MTURN: variants seen among roughly 807,000 people sequenced by gnomAD.
The protein encoded by MTURN is maturin.
Under a neutral mutation model 14.9 loss-of-function variants are expected in MTURN, and 7 were observed. The ratio of observed to expected loss-of-function variants is 0.47; its 90% CI spans 0.27 to 0.88. MTURN has a LOEUF of 0.88. MTURN is among the 40% of genes least tolerant of loss of function. MTURN has a pLI of 0.14. For missense variants in MTURN, 151 were observed against 174.1 expected (o/e 0.87, Z 0.75); for synonymous variants, 69 against 72.5 (o/e 0.95, Z 0.25).
At chr7:30,137,951 G>A (rs1049405270) in intron 1 of MTURN, among the ~76,000 whole-genome samples, 4 of 152,154 alleles carry the variant, frequency 2.6e-5, no homozygotes, top group African/African-American at 9.7e-5. Flanking sequence ...AATACAAATA[G>A]GGTCTCTGCC....
At chr7:30,146,775 TA>T (rs1797136846) in intron 2 of MTURN, among the ~76,000 whole-genome samples, 1 of 152,222 alleles carries the variant, frequency 6.6e-6, no homozygotes, top group Admixed American at 6.5e-5. Context: ...TTTCTATTTT[TA>T]AAAAGTCTCT....
In MTURN at chr7:30,158,340, C is replaced by G. The variant is rs1797318835; in HGVS notation, c.*792C>G. On this transcript the variant is annotated 3_prime_UTR_variant, in exon 3 of 3. Transcript: ENST00000324453. ...CCACGTATAAAATGAAACATTTTAC[C>G]TTCTCTCTTTCTAATGAGATGGCCG... The G allele has an allele frequency of 6.6e-6, 1 of 152,426 alleles. No homozygotes were observed. The highest frequency in any genetic ancestry group is 1.5e-5 in the Non-Finnish European group (1 of 67,986). 9.4% of individuals were successfully genotyped at this position (152,426 alleles called of 1,614,324 possible).
intron 2 of MTURN, among the ~76,000 whole-genome samples, chr7:30,150,644 G>A (rs1797197129): frequency 6.6e-6 from 1 of 152,244 alleles, no homozygotes; most frequent in Non-Finnish European, 1.5e-5. Context: ...AGGAGTATCA[G>A]TGTGAGCAGG....
At chr7:30,145,762 G>A in intron 1 of MTURN, 1 of 1,380,684 alleles carries the variant, frequency 7.2e-7, no homozygotes, top group Middle Eastern at 2.6e-4. Flanking sequence ...TACAAACTAT[G>A]CTTAATTAAT....
chr7:30,145,665 A>C, intron 1 of MTURN: 1 of 638,344 alleles, frequency 1.6e-6, no homozygotes, highest in Non-Finnish European at 2.6e-6. Flanking sequence ...GGGTTCTCTT[A>C]AGTTATTTGC....
rs1021412219 is a variant in MTURN, at chr7:30,162,604, G to C, written c.*5056G>C. ...TTGTAAATTACAAAACTGTGAATTG[G>C]GTTGCCAAAAACTGTTGCCCTTCGT... On this transcript the variant is annotated 3_prime_UTR_variant, in exon 3 of 3. Coordinates refer to ENST00000324453, the MANE Select transcript of MTURN (RefSeq NM_152793.3). The C allele has an allele frequency of 2.6e-5, 4 of 152,168 alleles. No homozygotes were observed. Among genetic ancestry groups the C allele is most frequent in the Non-Finnish European group, 5.9e-5 (4 of 67,966 alleles). The allele number at this position is 152,168 out of a possible 1,614,324, so 9.4% of individuals were successfully genotyped here. A position where few individuals can be genotyped will look rare whatever the true frequency, so the allele number is the denominator to read the frequency against.
rs1797341846 is a variant in MTURN, at chr7:30,159,732, A to G, written c.*2184A>G. The G allele has an allele frequency of 6.5e-6, 1 of 152,692 alleles. No homozygotes were observed. The highest frequency in any genetic ancestry group is 1.5e-5 in the Non-Finnish European group (1 of 68,058). The allele number at this position is 152,692 out of a possible 1,614,324, so 9.5% of individuals were successfully genotyped here. A position where few individuals can be genotyped will look rare whatever the true frequency, so the allele number is the denominator to read the frequency against. On this transcript the variant is annotated 3_prime_UTR_variant, in exon 3 of 3. Transcript: ENST00000324453. The stretch of plus-strand genomic sequence containing the variant: ...CCATAGCAAAATCCCAAACAGCATT[A>G]GCAGATCGAATTGTTTCTTCTAAGA...
At chr7:30,139,031 T>C (rs964688519) in intron 1 of MTURN, among the ~76,000 whole-genome samples, 4 of 152,206 alleles carry the variant, frequency 2.6e-5, no homozygotes, top group African/African-American at 9.7e-5. Flanking sequence ...CATTCTCTTT[T>C]TGGTTTTCTG....
At chr7:30,139,327 A>G (rs546141892) in intron 1 of MTURN, among the ~76,000 whole-genome samples, 3 of 152,354 alleles carry the variant, frequency 2.0e-5, no homozygotes, top group East Asian at 1.9e-4. Flanking sequence ...ACATAATTAT[A>G]TAATCTCTAT....
chr7:30,145,393 C>T (rs1797114760), intron 1 of MTURN, among the ~76,000 whole-genome samples: 1 of 152,006 alleles, frequency 6.6e-6, no homozygotes, highest in Non-Finnish European at 1.5e-5. Flanking sequence ...ACTTGGGTGG[C>T]CAAGATGGGA....
At chr7:30,156,835 ACT>A (rs747720049) in intron 2 of MTURN, among the ~76,000 whole-genome samples, 1 of 151,536 alleles carries the variant, frequency 6.6e-6, no homozygotes, top group Non-Finnish European at 1.5e-5. Context: ...AAAAAAAAAA[ACT>A]CTGTCATAAT....
chr7:30,154,556 A>G (rs1041198164), intron 2 of MTURN, among the ~76,000 whole-genome samples: 2 of 152,232 alleles, frequency 1.3e-5, no homozygotes, highest in African/African-American at 4.8e-5. Context: ...TGTCATCTCC[A>G]TAGTTACTCT....
chr7:30,145,713 C>T, intron 1 of MTURN: 2 of 1,026,492 alleles, frequency 1.9e-6, no homozygotes, highest in Non-Finnish European at 2.7e-6. Flanking sequence ...TACTCACAGG[C>T]CGATCTGGGT....
intron 2 of MTURN, among the ~76,000 whole-genome samples, chr7:30,155,673 G>A (rs1248955619): frequency 6.6e-6 from 1 of 152,228 alleles, no homozygotes; most frequent in Non-Finnish European, 1.5e-5. Flanking sequence ...GCGTGTGTCT[G>A]CAGTTGACTG....
intron 2 of MTURN, among the ~76,000 whole-genome samples, chr7:30,148,606 G>A (rs576429491): frequency 1.3e-5 from 2 of 152,222 alleles, no homozygotes; most frequent in African/African-American, 2.4e-5. Flanking sequence ...CAGAGGCGGG[G>A]TGAGGGGTTG....
chr7:30,141,255 AAC>A (rs764642451), intron 1 of MTURN: 13 of 152,114 alleles, frequency 8.5e-5, no homozygotes, highest in Non-Finnish European at 1.9e-4. Context: ...TCTCTACTAA[AAC>A]CACAAAAATT....
At chr7:30,136,187 C>T (rs1270007129) in intron 1 of MTURN, among the ~76,000 whole-genome samples, 6 of 152,348 alleles carry the variant, frequency 3.9e-5, no homozygotes, top group African/African-American at 1.4e-4. Flanking sequence ...CCCTCAGCCC[C>T]GGCTCAGAGG....
intron 2 of MTURN, among the ~76,000 whole-genome samples, chr7:30,149,475 G>A (rs549608361): frequency 6.6e-6 from 1 of 152,296 alleles, no homozygotes; most frequent in East Asian, 1.9e-4. Context: ...AAGATGAAGT[G>A]CTGAAGGCCT....
chr7:30,135,289 C>G lies in MTURN; in HGVS notation c.153C>G (p.Gly51=), dbSNP rs1796927952. 1 of 1,522,742 alleles carries G rather than the reference C, an allele frequency of 6.6e-7. No individual in the cohort carries two copies. Among genetic ancestry groups the G allele is most frequent in the Non-Finnish European group, 8.8e-7 (1 of 1,134,494 alleles). 94.3% of individuals were successfully genotyped at this position (1,522,742 alleles called of 1,614,324 possible). The change falls in exon 1 of 3, where the codon GGC becomes GGG. Residue 51 remains glycine, a synonymous_variant. Transcript: ENST00000324453. ...TGCTGTGTCCGGACAACGGCTGCGG[C>G]GACAATTTTGTGAGTGCCTGGAGGA... is the stretch of plus-strand genomic sequence containing the variant. ...FYVLCPDNGC[G]DNFHVWSESE...
Sources: gnomAD v4.1 joint callset for allele counts (sites outside exome capture counted in the v4.1 genomes callset) on GRCh38, gnomAD v4.1.1 for gene constraint, MANE v1.5 for transcripts, NCBI Gene and HGNC (gene_info 2026-07-23, HGNC 2026-07-21) for gene names.